The following HSPA4 variants were observed in gnomAD, a reference collection of about 807,000 sequenced individuals.
HSPA4 encodes the protein heat shock protein family A (Hsp70) member 4, also known as heat shock 70 kDa protein 4.
HSPA4 carries 25 observed loss-of-function variants against 106.2 expected under a neutral mutation model. The ratio of observed to expected loss-of-function variants is 0.24; its 90% CI spans 0.17 to 0.33. The LOEUF (loss-of-function observed/expected upper bound fraction) is 0.33, where lower values mean the gene tolerates loss of function less well. Ranked by LOEUF, HSPA4 falls within the 10% of genes least tolerant of loss-of-function variation. HSPA4 has a pLI of 1.00. For synonymous variants in HSPA4, 332 were observed against 333.6 expected (o/e 1.00, Z 0.05); for missense variants, 841 against 996.0 (o/e 0.84, Z 2.10).
intron 1 of HSPA4, among the ~76,000 whole-genome samples, chr5:133,054,800 C>G (rs1372511137): frequency 6.6e-6 from 1 of 151,884 alleles, no homozygotes; most frequent in Non-Finnish European, 1.5e-5. Flanking sequence ...TCCGTGTTTT[C>G]TTGGTCTATA....
chr5:133,101,922 T>C, intron 17 of HSPA4, 44 bp downstream of exon 17: 4 of 101,312 alleles, frequency 3.9e-5, no homozygotes, highest in Non-Finnish European at 4.3e-5. Context: ...TAAAGTTAAC[T>C]TTTTTTTTTT....
At chr5:133,081,895 A>T (rs1310204183) in intron 7 of HSPA4, among the ~76,000 whole-genome samples, 1 of 152,212 alleles carries the variant, frequency 6.6e-6, no homozygotes, top group African/African-American at 2.4e-5. Context: ...GCATCAAATT[A>T]TCACATCATT....
At chr5:133,101,921 C>CTTTTTT (rs60177569) in intron 17 of HSPA4, 43 bp downstream of exon 17, 15 of 719,648 alleles carry the variant, frequency 2.1e-5, no homozygotes, top group Admixed American at 5.5e-5. Context: ...GTAAAGTTAA[C>CTTTTTT]TTTTTTTTTT....
In HSPA4 at chr5:133,073,226, G is replaced by A. The variant is rs747570011; in HGVS notation, c.430-4G>A. On this transcript the variant is annotated splice_region_variant and splice_polypyrimidine_tract_variant and intron_variant, in intron 4 of 18. Coordinates refer to ENST00000304858, the MANE Select transcript of HSPA4 (RefSeq NM_002154.4). ...ACAGTAAGCATTCTTTTTTTTTTTT[G>A]TAGGTTCCTTGTTTCTATACTGATG... 2 of 1,395,962 alleles carry A rather than the reference G, an allele frequency of 1.4e-6. No homozygotes were observed. Among genetic ancestry groups the A allele is most frequent in the Non-Finnish European group, 1.9e-6 (2 of 1,041,726 alleles). 86.5% of individuals were successfully genotyped at this position (1,395,962 alleles called of 1,614,324 possible).
intron 3 of HSPA4, among the ~76,000 whole-genome samples, chr5:133,068,331 T>G (rs1453642199): frequency 6.6e-6 from 1 of 151,984 alleles, no homozygotes; most frequent in Admixed American, 6.6e-5. Context: ...CTGTGAAGTA[T>G]GCAGTGAACT....
chr5:133,076,583 A>G, intron 6 of HSPA4, 71 bp from the exon 7 acceptor site: 3 of 1,334,436 alleles, frequency 2.2e-6, no homozygotes, highest in Non-Finnish European at 3.1e-6. Flanking sequence ...ACAACTTACC[A>G]GGTAAATATA....
At chr5:133,099,503 A>G (rs372731299) in intron 15 of HSPA4, 42 bp from the exon 16 acceptor site, 9 of 1,045,934 alleles carry the variant, frequency 8.6e-6, no homozygotes, top group African/African-American at 3.1e-5. Context: ...TTGGGGATGT[A>G]ATTTTTGATT....
chr5:133,094,771 A>G (rs571072062), intron 13 of HSPA4, among the ~76,000 whole-genome samples: 1 of 152,356 alleles, frequency 6.6e-6, no homozygotes, highest in South Asian at 2.1e-4. Context: ...AATGATAGAT[A>G]AATTTCAGCA....
rs746220783 is a variant in HSPA4, at chr5:133,104,754, A to G, written c.*318A>G. ...TGTTTTGGAAAGTTGAGCTATAGCT[A>G]CAGCTCTAGCTATCCAGCAGACTTT... On this transcript the variant is annotated 3_prime_UTR_variant, in exon 19 of 19. Transcript: ENST00000304858. 2 of 264,932 alleles carry G rather than the reference A, an allele frequency of 7.5e-6. No individual in the cohort carries two copies. The highest frequency in any genetic ancestry group is 1.5e-5 in the Non-Finnish European group (2 of 137,032). The allele number at this position is 264,932 out of a possible 1,614,324, so 16.4% of individuals were successfully genotyped here.
chr5:133,077,324 C>T (rs1765458140), intron 7 of HSPA4, among the ~76,000 whole-genome samples: 1 of 152,098 alleles, frequency 6.6e-6, no homozygotes, highest in Non-Finnish European at 1.5e-5. Context: ...CTGCAACCTC[C>T]ACCCCCAGGT....
intron 7 of HSPA4, among the ~76,000 whole-genome samples, chr5:133,078,056 G>A (rs964706088): frequency 1.3e-5 from 2 of 152,194 alleles, no homozygotes; most frequent in Non-Finnish European, 2.9e-5. Flanking sequence ...GTTGTGGCCT[G>A]GTACGGTGGC....
intron 11 of HSPA4, among the ~76,000 whole-genome samples, chr5:133,090,828 G>A (rs1251184151): frequency 6.6e-6 from 1 of 152,106 alleles, no homozygotes; most frequent in Non-Finnish European, 1.5e-5. Flanking sequence ...TAAACGACAA[G>A]CAGAGTGGAA....
chr5:133,078,739 T>C (rs925963269), intron 7 of HSPA4, among the ~76,000 whole-genome samples: 2 of 152,082 alleles, frequency 1.3e-5, no homozygotes, highest in African/African-American at 2.4e-5. Flanking sequence ...ATTATTGTTG[T>C]TGTTATTTTT....
intron 6 of HSPA4, among the ~76,000 whole-genome samples, chr5:133,074,354 C>T (rs1765422203): frequency 6.6e-6 from 1 of 151,828 alleles, no homozygotes; most frequent in African/African-American, 2.4e-5. Flanking sequence ...TCTTGGCTCA[C>T]CGCAACCTCC....
intron 8 of HSPA4, 137 bp from the exon 9 acceptor site, chr5:133,088,267 G>A: frequency 1.6e-6 from 1 of 624,752 alleles, no homozygotes. Context: ...GTGAGTGTGG[G>A]CATGAGTATG....
At chr5:133,097,098 A>G in intron 14 of HSPA4, 63 bp from the exon 15 acceptor site, 1 of 1,305,520 alleles carries the variant, frequency 7.7e-7, no homozygotes, top group Admixed American at 1.8e-5. Context: ...TTATAATTAT[A>G]TTGGTATTTA....
At chr5:133,090,055 A>G (rs1473087757) in intron 11 of HSPA4, among the ~76,000 whole-genome samples, 1 of 152,192 alleles carries the variant, frequency 6.6e-6, no homozygotes, top group East Asian at 1.9e-4. Context: ...CGCACATTGT[A>G]ATTATAACTT....
chr5:133,060,089 T>C (rs1222908056), intron 1 of HSPA4, among the ~76,000 whole-genome samples: 1 of 147,438 alleles, frequency 6.8e-6, no homozygotes. Context: ...TAGGACTTAC[T>C]AGATTTATTA....
At chr5:133,090,337 A>G (rs900339983) in intron 11 of HSPA4, among the ~76,000 whole-genome samples, 6 of 146,192 alleles carry the variant, frequency 4.1e-5, no homozygotes, top group Non-Finnish European at 1.5e-5. Context: ...AGGCTGAGGC[A>G]GGAGACTGGC....
Sources: allele counts gnomAD v4.1 joint callset (sites outside exome capture counted in the v4.1 genomes callset), GRCh38; gene constraint gnomAD v4.1.1; transcripts MANE v1.5; gene names NCBI Gene and HGNC (gene_info 2026-07-23, HGNC 2026-07-21).